ERMARD: variants seen among roughly 807,000 people sequenced by gnomAD.
ERMARD encodes endoplasmic reticulum membrane-associated RNA degradation protein.
Under a neutral mutation model 83.9 loss-of-function variants are expected in ERMARD, and 71 were observed. The ratio of observed to expected loss-of-function variants is 0.85; its 90% CI spans 0.70 to 1.03. The LOEUF is 1.03. ERMARD is among the 50% of genes least tolerant of loss of function. The pLI, the probability that ERMARD is intolerant of heterozygous loss-of-function variation, is 0.00. For missense variants in ERMARD, 838 were observed against 810.9 expected, an observed-to-expected ratio of 1.03 and a Z score of -0.41; for synonymous variants, 284 against 298.6, an observed-to-expected ratio of 0.95 and a Z score of 0.50.
intron 11 of ERMARD, among the ~76,000 whole-genome samples, chr6:169,768,466 G>A (rs1474462349): frequency 2.0e-5 from 3 of 152,174 alleles, no homozygotes; most frequent in South Asian, 2.1e-4. Flanking sequence ...CTTGTTAAAT[G>A]CAACAGTTAG....
chr6:169,773,118 C>A, intron 12 of ERMARD: 1 of 517,374 alleles, frequency 1.9e-6, no homozygotes, highest in South Asian at 3.1e-5. Context: ...TTGTTAATGG[C>A]CTCCATTTAA....
chr6:169,780,722 G>A (rs1463735184), intron 17 of ERMARD, among the ~76,000 whole-genome samples: 1 of 152,186 alleles, frequency 6.6e-6, no homozygotes, highest in African/African-American at 2.4e-5. Flanking sequence ...AACGATGCAG[G>A]TTTGCACTGC....
intron 17 of ERMARD, 118 bp downstream of exon 17, chr6:169,779,413 C>T: frequency 1.2e-6 from 1 of 800,380 alleles, no homozygotes; most frequent in South Asian, 1.5e-5. Context: ...GGCCCCACCG[C>T]CATCTCAGGC....
intron 16 of ERMARD, among the ~76,000 whole-genome samples, chr6:169,778,509 T>C (rs1466875400): frequency 6.6e-6 from 1 of 152,246 alleles, no homozygotes; most frequent in East Asian, 1.9e-4. Flanking sequence ...TAGAATGTGC[T>C]ACATCCTTAA....
chr6:169,773,409 C>T lies in ERMARD; in HGVS notation c.1317+7C>T, dbSNP rs1384078239. On this transcript the variant is annotated splice_region_variant and intron_variant, in intron 13 of 17. Transcript: ENST00000366773. Reference sequence around the variant, plus strand: ...TTTTCAGCTTAAAAAACAGGTATGCCAAATGCAGGGTCCCGGGAGGGGCGT... The same window carrying T: ...TTTTCAGCTTAAAAAACAGGTATGCTAAATGCAGGGTCCCGGGAGGGGCGT... 2 of 1,613,944 alleles carry T rather than the reference C, an allele frequency of 1.2e-6. No individual in the cohort carries two copies. Among genetic ancestry groups the T allele is most frequent in the Non-Finnish European group, 1.7e-6 (2 of 1,179,882 alleles).
chr6:169,773,079 A>AGG (rs1316569235), intron 12 of ERMARD: 3 of 428,602 alleles, frequency 7.0e-6, no homozygotes, highest in Non-Finnish European at 8.2e-6. Flanking sequence ...TTGTGCACAG[A>AGG]GGGTGGGTGT....
intron 16 of ERMARD, 38 bp downstream of exon 16, chr6:169,776,711 G>C (rs1448979528): frequency 1.2e-6 from 2 of 1,606,622 alleles, no homozygotes; most frequent in Non-Finnish European, 1.7e-6. Context: ...GGGCACTGTG[G>C]GGCAGGAAGT....
At chr6:169,764,130 T>C (rs1302468448) in intron 9 of ERMARD, among the ~76,000 whole-genome samples, 1 of 152,214 alleles carries the variant, frequency 6.6e-6, no homozygotes, top group Non-Finnish European at 1.5e-5. Flanking sequence ...CCAGCTGACC[T>C]TGTGCTCTTC....
Position 169,776,532 on chromosome 6 carries a change from T to C in ERMARD, c.1598T>C (p.Leu533Pro). The C allele has an allele frequency of 6.2e-7, 1 of 1,614,196 alleles. No homozygotes were observed. The highest frequency in any genetic ancestry group is 8.5e-7 in the Non-Finnish European group (1 of 1,180,044). Residue 533 changes from leucine (L) to proline (P), a missense_variant, in exon 16 of 18, where the codon CTG (leucine) becomes CCG (proline). Coordinates refer to ENST00000366773, the MANE Select transcript of ERMARD (RefSeq NM_018341.3). ...TGCCCCAGGATTGTGCTGGAAGTGC[T>C]GGTTGTGCTCCGAAGCATCAGCGAA... is the stretch of plus-strand genomic sequence containing the variant. The part of the protein sequence containing the change: ...LFCPRIVLEV[L>P]VVLRSISEQC...
upstream of ERMARD, chr6:169,751,480 C>T: frequency 1.2e-6 from 2 of 1,612,310 alleles, no homozygotes; most frequent in Non-Finnish European, 1.7e-6. Context: ...CTCCAAGACG[C>T]CCACCGCCTC....
chr6:169,766,599 G>T (rs770884551), intron 9 of ERMARD, 39 bp from the exon 10 acceptor site: 2 of 1,525,514 alleles, frequency 1.3e-6, no homozygotes, highest in Non-Finnish European at 1.8e-6. Flanking sequence ...TTTGTATTTT[G>T]CTTTAATTGT....
Position 169,779,267 on chromosome 6 carries a change from A to C in ERMARD, c.1825A>C (p.Asn609His). 6.2e-7 allele frequency: 1 copy of C among 1,614,196 alleles called. No individual in the cohort carries two copies. Residue 609 changes from asparagine to histidine, a missense_variant, in exon 17 of 18, where the codon AAT becomes CAT. Coordinates refer to ENST00000366773, the MANE Select transcript of ERMARD (RefSeq NM_018341.3). ...CAACATTCATGCTGTTTGTGGGAAG[A>C]ATGCGCATGAGTATCAGCAGTACCT... ...LVNIHAVCGKNAHEYQQYLKF... is the reference protein window; with the variant it reads ...LVNIHAVCGKHAHEYQQYLKF...
chr6:169,764,549 G>GGT (rs1433705578), intron 9 of ERMARD, among the ~76,000 whole-genome samples: 1 of 152,110 alleles, frequency 6.6e-6, no homozygotes, highest in Non-Finnish European at 1.5e-5. Context: ...TGGGATTGCA[G>GGT]GTGTGAGCCA....
At position 169,756,426 on chromosome 6, in the gene ERMARD, G is replaced by A. The variant is rs921578410; in HGVS notation, c.404G>A (p.Arg135Gln). The A allele has an allele frequency of 5.6e-6, 9 of 1,608,196 alleles. No homozygotes were observed. Among genetic ancestry groups the A allele is most frequent in the African/African-American group, 5.4e-5 (4 of 74,714 alleles). Reference protein sequence around the residue: ...SLMKLTSCLERALGDVFLLIG... With the variant: ...SLMKLTSCLEQALGDVFLLIG... ...ATGAAACTGACATCGTGTCTAGAAC[G>A]AGCCTTGGGTGATGTAAGTGTGAGA... Residue 135 changes from arginine (R) to glutamine (Q), a missense_variant, in exon 4 of 18, where the codon CGA (arginine) becomes CAA (glutamine). Physicochemically the swap from Arg to Gln is conservative, Grantham distance 43. Transcript: ENST00000366773.
At chr6:169,780,815 A>C (rs1230611074) in intron 17 of ERMARD, among the ~76,000 whole-genome samples, 1 of 152,212 alleles carries the variant, frequency 6.6e-6, no homozygotes. Context: ...TTGCAAACAC[A>C]GATTGAAATT....
chr6:169,761,705 CAG>C (rs1169181152), intron 8 of ERMARD, among the ~76,000 whole-genome samples: 1 of 78,746 alleles, frequency 1.3e-5, no homozygotes, highest in African/African-American at 8.4e-5. Context: ...TTTTTTGAGA[CAG>C]AGTCTCACTG....
At chr6:169,780,050 T>G (rs941029763) in intron 17 of ERMARD, among the ~76,000 whole-genome samples, 3 of 152,192 alleles carry the variant, frequency 2.0e-5, no homozygotes, top group Admixed American at 6.5e-5. Context: ...TCAGTACATG[T>G]TTAAATGAAC....
intron 1 of ERMARD, among the ~76,000 whole-genome samples, chr6:169,752,350 A>G (rs963615558): frequency 7.2e-5 from 11 of 152,212 alleles, no homozygotes; most frequent in African/African-American, 2.7e-4. Flanking sequence ...TGAGATTCCG[A>G]TAAAGTAACT....
chr6:169,776,327 C>T (rs1168486952), intron 15 of ERMARD, 128 bp from the exon 16 acceptor site: 6 of 1,552,332 alleles, frequency 3.9e-6, no homozygotes, highest in Non-Finnish European at 5.2e-6. Context: ...CACGGTTGTC[C>T]CTGCAGACCA....
Sources: allele counts gnomAD v4.1 joint callset (sites outside exome capture counted in the v4.1 genomes callset), GRCh38; gene constraint gnomAD v4.1.1; transcripts MANE v1.5; gene names NCBI Gene and HGNC (gene_info 2026-07-23, HGNC 2026-07-21).